The following FAP variants were observed in gnomAD, a reference collection of about 807,000 sequenced individuals.
FAP encodes the protein fibroblast activation protein alpha, also known as prolyl endopeptidase FAP.
Under a neutral mutation model 126.5 loss-of-function variants are expected in FAP, and 110 were observed. The ratio of observed to expected loss-of-function variants is 0.87; its 90% CI spans 0.74 to 1.02. The LOEUF is 1.02. Among genes scored for constraint, FAP ranks in the 50% least tolerant of loss-of-function variants. FAP has a pLI of 0.00. For missense variants in FAP, 919 were observed against 909.2 expected (o/e 1.01, Z -0.14); for synonymous variants, 334 against 297.3 (o/e 1.12, Z -1.27).
chr2:162,217,372 C>T (rs1689194650), intron 9 of FAP, among the ~76,000 whole-genome samples: 1 of 152,182 alleles, frequency 6.6e-6, no homozygotes, highest in South Asian at 2.1e-4. Context: ...AATGCTTCTT[C>T]ACTGAGACCT....
chr2:162,222,390 A>G (rs1689445294), intron 6 of FAP, among the ~76,000 whole-genome samples: 1 of 152,232 alleles, frequency 6.6e-6, no homozygotes, highest in Non-Finnish European at 1.5e-5. Flanking sequence ...CTCAGAATGC[A>G]TTAGATGGAT....
chr2:162,183,309 T>C (rs1687753868), intron 21 of FAP, 105 bp downstream of exon 21: 1 of 897,350 alleles, frequency 1.1e-6, no homozygotes, highest in Admixed American at 2.2e-5. Flanking sequence ...CAGATTAAAT[T>C]ATGTTGCAAC....
intron 7 of FAP, 149 bp downstream of exon 7, chr2:162,219,704 A>G (rs1689303889): frequency 3.0e-6 from 2 of 667,714 alleles, no homozygotes; most frequent in African/African-American, 3.7e-5. Flanking sequence ...ATGGGTTTCA[A>G]TTTATCAAAA....
intron 21 of FAP, among the ~76,000 whole-genome samples, chr2:162,177,959 A>G (rs1434136937): frequency 6.6e-6 from 1 of 152,220 alleles, no homozygotes; most frequent in Non-Finnish European, 1.5e-5. Context: ...TATAGTGGCT[A>G]TGGAGTCAGT....
chr2:162,170,992 G>T lies in FAP; in HGVS notation c.2270C>A (p.Ser757Tyr). The change falls in exon 26 of 26, where the codon TCT becomes TAT. Residue 757 changes from serine to tyrosine, a missense_variant. By Grantham distance (144) the Ser-to-Tyr change is moderately radical. Transcript: ENST00000188790. ...HMTHFLKQCF[S>Y]LSD Reference sequence around the variant, plus strand: ...TCTGCATCGTTTTTAGTCTGACAAAGAGAAACACTGCTTTAGGAAGTGGGT... The same window carrying T: ...TCTGCATCGTTTTTAGTCTGACAAATAGAAACACTGCTTTAGGAAGTGGGT... 6.2e-7 allele frequency: 1 copy of T among 1,612,936 alleles called. No individual in the cohort carries two copies. The highest frequency in any genetic ancestry group is 1.1e-5 in the South Asian group (1 of 91,028).
intron 21 of FAP, among the ~76,000 whole-genome samples, chr2:162,180,131 G>A (rs1023964516): frequency 6.6e-6 from 1 of 152,068 alleles, no homozygotes; most frequent in African/African-American, 2.4e-5. Context: ...TTAAGGTACA[G>A]GGAGAAGTGG....
At chr2:162,228,735 C>T (rs190996035) in intron 2 of FAP, among the ~76,000 whole-genome samples, 86 of 152,166 alleles carry the variant, frequency 5.7e-4, no homozygotes, top group African/African-American at 1.9e-3. Context: ...AGAATTCATA[C>T]CATTGATTTT....
chr2:162,237,397 G>T (rs1690182806), intron 2 of FAP, among the ~76,000 whole-genome samples: 1 of 151,884 alleles, frequency 6.6e-6, no homozygotes, highest in Non-Finnish European at 1.5e-5. Flanking sequence ...CAGGCCCTGT[G>T]TGTGATGTTC....
chr2:162,234,626 G>A (rs751600952), intron 2 of FAP, among the ~76,000 whole-genome samples: 5 of 152,252 alleles, frequency 3.3e-5, no homozygotes, highest in South Asian at 2.1e-4. Context: ...GAACAGAAGC[G>A]ATGAGAGAGG....
intron 2 of FAP, among the ~76,000 whole-genome samples, chr2:162,228,640 T>C (rs985690544): frequency 6.6e-6 from 1 of 152,186 alleles, no homozygotes; most frequent in Non-Finnish European, 1.5e-5. Flanking sequence ...TCTTTCTGTG[T>C]TATCTGTGCA....
intron 15 of FAP, among the ~76,000 whole-genome samples, chr2:162,199,194 C>T (rs1258928463): frequency 6.6e-6 from 1 of 152,150 alleles, no homozygotes; most frequent in African/African-American, 2.4e-5. Flanking sequence ...TTACACTTCA[C>T]AAAGTGCTTG....
At position 162,178,770 on chromosome 2, in the gene FAP, T is replaced by C. The variant is rs756699656; in HGVS notation, c.1870-3804A>G. 4.3e-4 allele frequency among the ~76,000 whole-genome samples: 66 copies of C among 152,212 alleles called. 1 individual carries two copies. Among genetic ancestry groups the C allele is most frequent in the Admixed American group, 4.6e-4 (7 of 15,278 alleles). ...CTCCAAAAAATTTTGTTGGGTGCGATGTATTTCCCAAACTCCTATACTGTC... is the reference window on the plus strand; with the variant it reads ...CTCCAAAAAATTTTGTTGGGTGCGACGTATTTCCCAAACTCCTATACTGTC... On this transcript the variant is annotated intron_variant, in intron 21 of 25. Coordinates refer to ENST00000188790, the MANE Select transcript of FAP (RefSeq NM_004460.5).
At chr2:162,215,455 C>T (rs1435977275) in intron 10 of FAP, among the ~76,000 whole-genome samples, 1 of 152,182 alleles carries the variant, frequency 6.6e-6, no homozygotes, top group African/African-American at 2.4e-5. Context: ...CTAGACAATT[C>T]TAAAACCAGA....
At chr2:162,189,777 T>A in intron 17 of FAP, 23 bp from the exon 18 acceptor site, 1 of 1,330,264 alleles carries the variant, frequency 7.5e-7, no homozygotes, top group Non-Finnish European at 1.1e-6. Flanking sequence ...AAATGTTCAT[T>A]TTTAATCAAT....
At chr2:162,218,923 A>G (rs568209352) in intron 8 of FAP, 140 bp downstream of exon 8, 1 of 590,602 alleles carries the variant, frequency 1.7e-6, no homozygotes, top group African/African-American at 1.9e-5. Flanking sequence ...CGTATGCCCT[A>G]TTCGTAACCT....
chr2:162,198,299 CT>C (rs747408240), intron 16 of FAP: 87 of 1,289,596 alleles, frequency 6.7e-5, no homozygotes, highest in Middle Eastern at 2.1e-4. Context: ...GTTCATTCCC[CT>C]GGATGTGAGA....
chr2:162,215,254 G>A (rs1238543067), intron 10 of FAP, among the ~76,000 whole-genome samples: 1 of 152,178 alleles, frequency 6.6e-6, no homozygotes, highest in Non-Finnish European at 1.5e-5. Context: ...GGCCCGCTAG[G>A]CATGGGGAAC....
At chr2:162,190,214 T>A (rs1033311729) in intron 17 of FAP, among the ~76,000 whole-genome samples, 2 of 152,094 alleles carry the variant, frequency 1.3e-5, no homozygotes, top group Non-Finnish European at 2.9e-5. Flanking sequence ...TTTTAATGTG[T>A]AAAGTTGAAT....
At chr2:162,184,108 G>C (rs1559763680) in intron 20 of FAP, among the ~76,000 whole-genome samples, 1 of 152,138 alleles carries the variant, frequency 6.6e-6, no homozygotes, top group Non-Finnish European at 1.5e-5. Context: ...CGTTTAAAAA[G>C]TCATGGGAAA....
Sources: gnomAD v4.1 joint callset for allele counts (sites outside exome capture counted in the v4.1 genomes callset) on GRCh38, gnomAD v4.1.1 for gene constraint, MANE v1.5 for transcripts, NCBI Gene and HGNC (gene_info 2026-07-23, HGNC 2026-07-21) for gene names.